The following MARCHF1 variants were observed in gnomAD, a reference collection of about 807,000 sequenced individuals.
MARCHF1 encodes the protein membrane associated ring-CH-type finger 1, also known as E3 ubiquitin-protein ligase MARCHF1.
Under a neutral mutation model 54.2 loss-of-function variants are expected in MARCHF1, and 40 were observed. The ratio of observed to expected loss-of-function variants is 0.74; its 90% confidence interval spans 0.57 to 0.96. The LOEUF (loss-of-function observed/expected upper bound fraction) is 0.96, where lower values mean the gene tolerates loss of function less well. Ranked by LOEUF, MARCHF1 falls within the 40% of genes least tolerant of loss-of-function variation. MARCHF1 has a pLI of 0.00. For missense variants in MARCHF1, 586 were observed against 656.5 expected, an observed-to-expected ratio of 0.89 and a Z score of 1.17; for synonymous variants, 236 against 236.3, an observed-to-expected ratio of 1.00 and a Z score of 0.01.
intron 1 of MARCHF1, among the ~76,000 whole-genome samples, chr4:164,276,498 GCA>G (rs562869423): frequency 7.3e-4 from 110 of 151,594 alleles, no homozygotes; most frequent in African/African-American, 2.5e-3. Flanking sequence ...GTGTACATGT[GCA>G]CACACACTAT....
chr4:163,941,598 A>T (rs1579409527), intron 3 of MARCHF1, among the ~76,000 whole-genome samples: 2 of 152,120 alleles, frequency 1.3e-5, no homozygotes, highest in Non-Finnish European at 2.9e-5. Flanking sequence ...ATAACAAACA[A>T]CAAAATACAC....
At chr4:164,310,103 G>A (rs573921606) in intron 1 of MARCHF1, among the ~76,000 whole-genome samples, 1 of 151,886 alleles carries the variant, frequency 6.6e-6, no homozygotes, top group East Asian at 1.9e-4. Context: ...TTTTGAGACA[G>A]AGTCTCGCTC....
Position 164,291,690 on chromosome 4 carries a change from G to A in MARCHF1, c.-323+92180C>T, listed in dbSNP as rs1468824343. Among the ~76,000 whole-genome samples the A allele has an allele frequency of 4.6e-5, 7 of 152,130 alleles. No individual in the cohort carries two copies. In the East Asian group the frequency reaches 1.4e-3, roughly 29 times the overall value. ...ACAGCATATTTCTGTACTGAATACA[G>A]TTGACATGTATTGTAGACACAGACA... is the stretch of plus-strand genomic sequence containing the variant. On this transcript the variant is annotated intron_variant, in intron 1 of 9. Coordinates refer to ENST00000514618, the MANE Select transcript of MARCHF1 (RefSeq NM_001394959.1).
intron 3 of MARCHF1, among the ~76,000 whole-genome samples, chr4:163,975,549 C>T (rs1351821623): frequency 4.6e-5 from 7 of 152,154 alleles, no homozygotes; most frequent in Non-Finnish European, 2.9e-5. Flanking sequence ...AGAAAAAATG[C>T]CGCAAGTCAA....
chr4:164,374,003 T>C (rs1235250080), intron 1 of MARCHF1, among the ~76,000 whole-genome samples: 3 of 152,262 alleles, frequency 2.0e-5, no homozygotes, highest in African/African-American at 7.2e-5. Flanking sequence ...TTAGTTCTAA[T>C]AGTTGATAAC....
At chr4:164,068,501 A>G (rs1313943221) in intron 2 of MARCHF1, among the ~76,000 whole-genome samples, 1 of 152,062 alleles carries the variant, frequency 6.6e-6, no homozygotes, top group Admixed American at 6.5e-5. Context: ...GCGGCCGGCC[A>G]GCCCCGCCGG....
rs376565727 is a variant in MARCHF1 at position 164,199,632 on chromosome 4, TCACACACACACACA to T, written c.-322-87984_-322-87971del. Among the ~76,000 whole-genome samples, 979 of 114,728 alleles carry T rather than the reference TCACACACACACACA, an allele frequency of 8.5e-3. 12 individuals are homozygous for T. Among genetic ancestry groups the T allele is most frequent in the East Asian group, 0.046 (152 of 3,296 alleles). 75.3% of individuals were successfully genotyped at this position (114,728 alleles called of 152,430 possible). A position where few individuals can be genotyped will look rare whatever the true frequency, so the allele number is the denominator to read the frequency against. On this transcript the variant is annotated intron_variant, in intron 1 of 9. Coordinates refer to ENST00000514618, the MANE Select transcript of MARCHF1 (RefSeq NM_001394959.1). ...GCCTGGGTGACAGAGCAGGACTCTG[TCACACACACACACA>T]CACACACACACACACACACACACAC...
chr4:164,049,437 T>C (rs191877291), intron 2 of MARCHF1, among the ~76,000 whole-genome samples: 1 of 150,976 alleles, frequency 6.6e-6, no homozygotes, highest in African/African-American at 2.4e-5. Flanking sequence ...ACAGATACTA[T>C]AATCTTTTTT....
At chr4:164,141,945 C>CGCAGGTCAGTGGGTGGGT (rs1482411606) in intron 1 of MARCHF1, among the ~76,000 whole-genome samples, 3 of 152,130 alleles carry the variant, frequency 2.0e-5, no homozygotes, top group East Asian at 1.9e-4. Context: ...AGACAGTGGG[C>CGCAGGTCAGTGGGTGGGT]GCAGGTCAGT....
intron 1 of MARCHF1, among the ~76,000 whole-genome samples, chr4:164,232,412 G>A (rs1273419480): frequency 2.0e-5 from 3 of 152,080 alleles, no homozygotes; most frequent in Non-Finnish European, 4.4e-5. Context: ...AAGAGTACAT[G>A]AAGTCAAAGG....
At chr4:164,147,915 T>C (rs1729807467) in intron 1 of MARCHF1, among the ~76,000 whole-genome samples, 1 of 152,122 alleles carries the variant, frequency 6.6e-6, no homozygotes. Flanking sequence ...GCCTTTCCAT[T>C]AAAAGTATTT....
intron 4 of MARCHF1, among the ~76,000 whole-genome samples, chr4:163,747,361 TG>T (rs1480933799): frequency 6.6e-6 from 1 of 152,210 alleles, no homozygotes; most frequent in Non-Finnish European, 1.5e-5. Context: ...TTTTCTCTGA[TG>T]GAACTCCCGT....
At chr4:163,895,510 A>G (rs747610818) in intron 3 of MARCHF1, among the ~76,000 whole-genome samples, 1 of 152,158 alleles carries the variant, frequency 6.6e-6, no homozygotes. Context: ...AAGGCAGAGC[A>G]TATTTCTCCA....
chr4:163,888,403 T>C (rs989780933), intron 3 of MARCHF1, among the ~76,000 whole-genome samples: 13 of 152,178 alleles, frequency 8.5e-5, no homozygotes, highest in African/African-American at 2.4e-4. Flanking sequence ...TCTGGTGTGA[T>C]TGGCAAATCC....
At position 164,338,450 on chromosome 4, in the gene MARCHF1, A is replaced by G. The variant is rs151234933; in HGVS notation, c.-323+45420T>C. Among the ~76,000 whole-genome samples, 118 of 152,342 alleles carry G rather than the reference A, an allele frequency of 7.7e-4. 3 individuals carry two copies. The East Asian group carries it at 0.02, about 26-fold the overall frequency. On this transcript the variant is annotated intron_variant, in intron 1 of 9. Transcript: ENST00000514618. ...CCCATCAATGATTACCACGAATGTA[A>G]TTGGATCAAATTCTCAAAAGACAGG...
At chr4:163,877,694 T>A (rs556702130) in intron 3 of MARCHF1, among the ~76,000 whole-genome samples, 3 of 152,266 alleles carry the variant, frequency 2.0e-5, no homozygotes, top group Admixed American at 2.0e-4. Flanking sequence ...AATTTACTAC[T>A]CTCCTGCTTA....
At chr4:163,898,237 A>C (rs192358632) in intron 3 of MARCHF1, among the ~76,000 whole-genome samples, 1 of 152,258 alleles carries the variant, frequency 6.6e-6, no homozygotes, top group Admixed American at 6.5e-5. Context: ...AGAAATAATC[A>C]ACAAAGAAAA....
At chr4:163,615,789 A>G (rs1440883478) in intron 5 of MARCHF1, among the ~76,000 whole-genome samples, 1 of 152,170 alleles carries the variant, frequency 6.6e-6, no homozygotes, top group Non-Finnish European at 1.5e-5. Context: ...AGCAAAAAGA[A>G]CTAAGCTAGA....
chr4:164,373,650 C>T (rs1731102677), intron 1 of MARCHF1, among the ~76,000 whole-genome samples: 1 of 151,888 alleles, frequency 6.6e-6, no homozygotes, highest in African/African-American at 2.4e-5. Context: ...TCACCGTGCC[C>T]AGCCCAAAAA....
Sources: allele counts gnomAD v4.1 joint callset (sites outside exome capture counted in the v4.1 genomes callset), GRCh38; gene constraint gnomAD v4.1.1; transcripts MANE v1.5; gene names NCBI Gene and HGNC (gene_info 2026-07-23, HGNC 2026-07-21).